Variants in RFX3 observed in about 807,000 individuals in gnomAD.
RFX3 encodes transcription factor RFX3.
Under a neutral mutation model 98.6 loss-of-function variants are expected in RFX3, and 14 were observed. That is an observed-to-expected ratio of 0.14 (90% CI 0.09 to 0.22). The LOEUF (loss-of-function observed/expected upper bound fraction) is 0.22, where lower values mean the gene tolerates loss of function less well. RFX3 is among the 10% of genes least tolerant of loss of function. The probability of loss-of-function intolerance (pLI) is 1.00; values close to 1 mark genes in which losing one functional copy is unlikely to be tolerated. For synonymous variants in RFX3, 383 were observed against 328.4 expected, an observed-to-expected ratio of 1.17 and a Z score of -1.80; for missense variants, 639 against 926.9, an observed-to-expected ratio of 0.69 and a Z score of 4.03.
At chr9:3,267,010 G>A (rs1305689111) in intron 11 of RFX3, among the ~76,000 whole-genome samples, 1 of 151,920 alleles carries the variant, frequency 6.6e-6, no homozygotes, top group Non-Finnish European at 1.5e-5. Flanking sequence ...ATAGGGATAG[G>A]TCCCATGACA....
At chr9:3,490,852 G>T (rs1024723497) in intron 1 of RFX3, among the ~76,000 whole-genome samples, 1 of 152,084 alleles carries the variant, frequency 6.6e-6, no homozygotes, top group East Asian at 1.9e-4. Flanking sequence ...TTCAAGGAAG[G>T]AGAATACACA....
intron 3 of RFX3, among the ~76,000 whole-genome samples, chr9:3,334,926 C>A (rs975924195): frequency 1.3e-5 from 2 of 151,950 alleles, no homozygotes; most frequent in African/African-American, 2.4e-5. Context: ...TCGAGACCAG[C>A]CTGGCAAACA....
rs1818101130 is a variant in RFX3, at chr9:3,228,807, A to C, written c.2011+40T>G. The C allele has an allele frequency of 1.9e-6, 3 of 1,541,302 alleles. No homozygotes were observed. In the Admixed American group the frequency reaches 5.4e-5, roughly 28 times the overall value. ...TTTCCTCTGTAAGAACTTATTAATA[A>C]ATAAAAGTTCTTAAAATGTACATTA... On this transcript the variant is annotated intron_variant, in intron 16 of 16. Coordinates refer to ENST00000617270, the MANE Select transcript of RFX3 (RefSeq NM_001282116.2).
chr9:3,407,691 A>G (rs1371092716), intron 1 of RFX3, among the ~76,000 whole-genome samples: 1 of 152,144 alleles, frequency 6.6e-6, no homozygotes, highest in African/African-American at 2.4e-5. Flanking sequence ...ATATTATGGG[A>G]ATTAGATATG....
chr9:3,271,765 G>T (rs1017863616), intron 9 of RFX3, among the ~76,000 whole-genome samples: 7 of 152,176 alleles, frequency 4.6e-5, no homozygotes, highest in Non-Finnish European at 7.3e-5. Flanking sequence ...AGTTAGGGCT[G>T]AATTAGCTTT....
chr9:3,337,692 T>C (rs1190290097), intron 3 of RFX3, among the ~76,000 whole-genome samples: 1 of 152,186 alleles, frequency 6.6e-6, no homozygotes, highest in Non-Finnish European at 1.5e-5. Context: ...TTGTGCATGG[T>C]CTGGCTGCTG....
chr9:3,409,672 T>C (rs531401866), intron 1 of RFX3, among the ~76,000 whole-genome samples: 5 of 152,254 alleles, frequency 3.3e-5, no homozygotes, highest in Admixed American at 2.6e-4. Flanking sequence ...ATTCAGCAAA[T>C]TTATGTTTCA....
At chr9:3,478,478 A>C (rs1165719477) in intron 1 of RFX3, among the ~76,000 whole-genome samples, 1 of 149,658 alleles carries the variant, frequency 6.7e-6, no homozygotes, top group African/African-American at 2.5e-5. Flanking sequence ...TCATACCTGG[A>C]CCAGTAAAAT....
At chr9:3,244,040 C>T (rs576613320) in intron 15 of RFX3, among the ~76,000 whole-genome samples, 5 of 147,166 alleles carry the variant, frequency 3.4e-5, no homozygotes, top group East Asian at 2.0e-4. Context: ...CCCGCTTTGT[C>T]GCCCAGGCTG....
intron 1 of RFX3, among the ~76,000 whole-genome samples, chr9:3,423,462 T>C (rs1231946301): frequency 6.6e-6 from 1 of 152,164 alleles, no homozygotes; most frequent in Non-Finnish European, 1.5e-5. Flanking sequence ...GAACTATTCA[T>C]ATGCTATTCA....
At chr9:3,448,567 C>T (rs528205609) in intron 1 of RFX3, among the ~76,000 whole-genome samples, 6 of 152,228 alleles carry the variant, frequency 3.9e-5, no homozygotes, top group Admixed American at 1.3e-4. Context: ...GGCTAGACTG[C>T]GGTGGCGCCA....
chr9:3,275,618 A>G lies in RFX3; in HGVS notation c.974-6T>C. 1.3e-6 allele frequency: 2 copies of G among 1,544,204 alleles called. No individual in the cohort carries two copies. Among genetic ancestry groups the G allele is most frequent in the Non-Finnish European group, 1.8e-6 (2 of 1,117,244 alleles). On this transcript the variant is annotated splice_region_variant and splice_polypyrimidine_tract_variant and intron_variant, in intron 8 of 16. Transcript: ENST00000617270. ...TGGAAGTGCTCGAGATGCATCTGTT[A>G]CCGTGACAACAGAACAGAAAAAAGC...
At chr9:3,284,772 A>C (rs1453091848) in intron 7 of RFX3, among the ~76,000 whole-genome samples, 1 of 151,732 alleles carries the variant, frequency 6.6e-6, no homozygotes, top group Non-Finnish European at 1.5e-5. Flanking sequence ...AGTGGGCTCT[A>C]ATCTCCTTTA....
At chr9:3,345,427 T>C (rs1284921306) in intron 3 of RFX3, among the ~76,000 whole-genome samples, 3 of 152,054 alleles carry the variant, frequency 2.0e-5, no homozygotes, top group Admixed American at 6.6e-5. Flanking sequence ...TTATAGGTAA[T>C]GGAGGTAGTG....
chr9:3,483,751 T>A (rs1342369564), intron 1 of RFX3, among the ~76,000 whole-genome samples: 1 of 152,216 alleles, frequency 6.6e-6, no homozygotes. Flanking sequence ...GCAACACTAG[T>A]TTAAGAATAC....
In RFX3 at chr9:3,408,821, C is replaced by A. The variant is rs74589957; in HGVS notation, c.-8-13225G>T. Among the ~76,000 whole-genome samples, 453 of 152,322 alleles carry A rather than the reference C, an allele frequency of 3.0e-3. 2 individuals are homozygous for A. Among genetic ancestry groups the A allele is most frequent in the African/African-American group, 0.01 (435 of 41,572 alleles). ...TTCTAACTCCAAATACAGTAGTAGT[C>A]TTCCACTACTGCCTCTTTTTCCCCG... On this transcript the variant is annotated intron_variant, in intron 1 of 16. Coordinates refer to ENST00000617270, the MANE Select transcript of RFX3 (RefSeq NM_001282116.2).
At chr9:3,276,933 TA>T (rs905070572) in intron 8 of RFX3, among the ~76,000 whole-genome samples, 45 of 152,196 alleles carry the variant, frequency 3.0e-4, no homozygotes, top group African/African-American at 1.0e-3. Context: ...TAAATTACTT[TA>T]AAAAAGTTTA....
At chr9:3,477,825 ACT>A (rs1284536352) in intron 1 of RFX3, among the ~76,000 whole-genome samples, 5 of 151,624 alleles carry the variant, frequency 3.3e-5, no homozygotes, top group African/African-American at 2.4e-5. Context: ...GTCTTTTGAG[ACT>A]CTGTTCATTT....
At chr9:3,513,932 C>G (rs1587910916) in intron 1 of RFX3, among the ~76,000 whole-genome samples, 1 of 152,146 alleles carries the variant, frequency 6.6e-6, no homozygotes, top group African/African-American at 2.4e-5. Flanking sequence ...AAAGGTTTTA[C>G]AATTCAAAAC....
Sources: allele counts gnomAD v4.1 joint callset (sites outside exome capture counted in the v4.1 genomes callset), GRCh38; gene constraint gnomAD v4.1.1; transcripts MANE v1.5; gene names NCBI Gene and HGNC (gene_info 2026-07-23, HGNC 2026-07-21).